The following CDK19 variants were observed in gnomAD, a reference collection of about 807,000 sequenced individuals.
The protein encoded by CDK19 is cyclin-dependent kinase 19.
CDK19 carries 20 observed loss-of-function variants against 68.3 expected under a neutral mutation model. The ratio of observed to expected loss-of-function variants is 0.29; its 90% CI spans 0.21 to 0.43. The LOEUF (loss-of-function observed/expected upper bound fraction) is 0.43, where lower values mean the gene tolerates loss of function less well. CDK19 is among the 20% of genes least tolerant of loss of function. The pLI is 1.00. For synonymous variants in CDK19, 221 were observed against 222.8 expected, an observed-to-expected ratio of 0.99 and a Z score of 0.07; for missense variants, 339 against 623.5, an observed-to-expected ratio of 0.54 and a Z score of 4.86.
At chr6:110,623,488 A>G in intron 8 of CDK19, 126 bp from the exon 9 acceptor site, 1 of 1,322,318 alleles carries the variant, frequency 7.6e-7, no homozygotes, top group Non-Finnish European at 1.0e-6. Flanking sequence ...TCTGAATAAG[A>G]AGAAACACAT....
chr6:110,779,236 C>T (rs1359437141), intron 1 of CDK19, among the ~76,000 whole-genome samples: 5 of 152,138 alleles, frequency 3.3e-5, no homozygotes, highest in African/African-American at 1.2e-4. Flanking sequence ...TCTAATACCA[C>T]CCTGCCTTTG....
At chr6:110,720,704 C>T (rs951396708) in intron 2 of CDK19, among the ~76,000 whole-genome samples, 1 of 151,274 alleles carries the variant, frequency 6.6e-6, no homozygotes, top group Non-Finnish European at 1.5e-5. Flanking sequence ...CTGTCTCTAA[C>T]AAAAGTACAA....
At chr6:110,741,401 G>A (rs1196253930) in intron 2 of CDK19, among the ~76,000 whole-genome samples, 2 of 151,978 alleles carry the variant, frequency 1.3e-5, no homozygotes, top group East Asian at 3.9e-4. Flanking sequence ...GGTCAAGGCT[G>A]CAGCGAGCAT....
intron 2 of CDK19, among the ~76,000 whole-genome samples, chr6:110,672,913 T>C (rs1038188292): frequency 3.3e-5 from 5 of 152,138 alleles, no homozygotes; most frequent in African/African-American, 7.2e-5. Context: ...TGTGGTAAAA[T>C]ATATACATAA....
intron 2 of CDK19, among the ~76,000 whole-genome samples, chr6:110,675,127 C>T (rs946808871): frequency 1.3e-5 from 2 of 152,126 alleles, no homozygotes; most frequent in Non-Finnish European, 2.9e-5. Flanking sequence ...GATGGCTACA[C>T]TAAACAACAG....
At chr6:110,692,542 T>C (rs574986341) in intron 2 of CDK19, among the ~76,000 whole-genome samples, 1 of 152,110 alleles carries the variant, frequency 6.6e-6, no homozygotes, top group South Asian at 2.1e-4. Flanking sequence ...GAAGAGACAA[T>C]AAAAAGTTTG....
At chr6:110,810,309 T>C (rs746881937) in intron 1 of CDK19, among the ~76,000 whole-genome samples, 3 of 152,162 alleles carry the variant, frequency 2.0e-5, no homozygotes, top group Admixed American at 6.6e-5. Context: ...GTATAAGCCA[T>C]AGCAAACGTA....
intron 1 of CDK19, among the ~76,000 whole-genome samples, chr6:110,790,972 C>T (rs1161878286): frequency 6.6e-6 from 1 of 152,074 alleles, no homozygotes; most frequent in Non-Finnish European, 1.5e-5. Flanking sequence ...GAGTTCAAGA[C>T]CAACCTGGCT....
intron 2 of CDK19, among the ~76,000 whole-genome samples, chr6:110,701,386 CA>C (rs58069740): frequency 0.29 from 35,889 of 124,418 alleles, 5,036 homozygotes; most frequent in East Asian, 0.7. Context: ...ACTAAAAATA[CA>C]AAAAAAAAAA....
intron 1 of CDK19, among the ~76,000 whole-genome samples, chr6:110,751,532 T>A (rs1382670158): frequency 6.6e-6 from 1 of 152,110 alleles, no homozygotes; most frequent in African/African-American, 2.4e-5. Context: ...TATTTCATTA[T>A]ATACTACAGT....
At chr6:110,641,322 G>A (rs1780146869) in intron 4 of CDK19, among the ~76,000 whole-genome samples, 1 of 152,140 alleles carries the variant, frequency 6.6e-6, no homozygotes, top group South Asian at 2.1e-4. Flanking sequence ...GAGGCTGGGT[G>A]CAGTGGCTGA....
At chr6:110,759,775 C>G (rs1363959734) in intron 1 of CDK19, among the ~76,000 whole-genome samples, 2 of 151,512 alleles carry the variant, frequency 1.3e-5, no homozygotes, top group Admixed American at 1.3e-4. Flanking sequence ...ATAAATTGAC[C>G]TGAATTCACC....
Position 110,621,224 on chromosome 6 carries a change from G to A in CDK19, c.1257C>T (p.Thr419=), listed in dbSNP as rs148540500. The change falls in exon 12 of 13, where the codon ACC becomes ACT. Residue 419 remains threonine (T), a synonymous_variant. Coordinates refer to ENST00000368911, the MANE Select transcript of CDK19 (RefSeq NM_015076.5). The surrounding 1 kb of genome is among the most constrained non-coding windows in gnomAD (Gnocchi z 5.4). ...CCTGGCTGTGCTGCAACCCTGCTCC[G>A]GTGCCCCCGACCCCGGCCCCAGCCC... is the stretch of plus-strand genomic sequence containing the variant. ...AGGAGAGVGG[T]GAGLQHSQDS... 6.0e-5 allele frequency: 97 copies of A among 1,613,270 alleles called. No homozygotes were observed. The African/African-American group carries it at 8.0e-4, about 13-fold the overall frequency.
intron 1 of CDK19, among the ~76,000 whole-genome samples, chr6:110,753,132 G>A (rs12215135): frequency 0.047 from 7,202 of 152,008 alleles, 179 homozygotes; most frequent in Middle Eastern, 0.078. Context: ...GTTGTGCCAC[G>A]TTGCCCAAGC....
chr6:110,653,373 A>G (rs1268701155), intron 4 of CDK19, among the ~76,000 whole-genome samples: 1 of 152,224 alleles, frequency 6.6e-6, no homozygotes, highest in African/African-American at 2.4e-5. Flanking sequence ...TAAAAAAAAG[A>G]AAACTACAGT....
intron 2 of CDK19, among the ~76,000 whole-genome samples, chr6:110,674,387 T>C (rs1194944628): frequency 6.6e-6 from 1 of 152,198 alleles, no homozygotes; most frequent in African/African-American, 2.4e-5. Flanking sequence ...CTAGAATGAT[T>C]GAGCTTACTG....
chr6:110,815,301 CT>C lies in CDK19; in HGVS notation c.-166del. On this transcript the variant is annotated 5_prime_UTR_variant, in exon 1 of 13. It removes the in-frame stop codon of an upstream open reading frame in the 5' UTR. Transcript: ENST00000368911. The stretch of plus-strand genomic sequence containing the variant: ...TCCGCGGTCCGCCTTCAGCAAGGGA[CT>C]CCTCGGCGGCCACAGCAGCCACCTC... The C allele has an allele frequency of 1.4e-6, 1 of 719,848 alleles. No homozygotes were observed. The highest frequency in any genetic ancestry group is 2.0e-6 in the Non-Finnish European group (1 of 504,898). The allele number at this position is 719,848 out of a possible 1,614,324, so 44.6% of individuals were successfully genotyped here. A position where few individuals can be genotyped will look rare whatever the true frequency, so the allele number is the denominator to read the frequency against.
At chr6:110,721,253 A>AAATT (rs749976738) in intron 2 of CDK19, among the ~76,000 whole-genome samples, 1 of 152,256 alleles carries the variant, frequency 6.6e-6, no homozygotes, top group Non-Finnish European at 1.5e-5. Flanking sequence ...ATAAAAATAG[A>AAATT]AATTAATTAA....
rs144145300 is a variant in CDK19, at chr6:110,772,267, T to G, written c.129-26066A>C. ...CGGGAGGCAAAAGGCACTTCTTACA[T>G]GGCGGCAGCAAGAGAAAATGAGAAG... On this transcript the variant is annotated intron_variant, in intron 1 of 12. Transcript: ENST00000368911. Among the ~76,000 whole-genome samples, 244 of 152,224 alleles carry G rather than the reference T, an allele frequency of 1.6e-3. 1 individual carries two copies. Among genetic ancestry groups the G allele is most frequent in the African/African-American group, 5.7e-3 (237 of 41,532 alleles).
Sources: gnomAD v4.1 joint callset for allele counts (sites outside exome capture counted in the v4.1 genomes callset) on GRCh38, gnomAD v4.1.1 for gene constraint, Gnocchi (gnomAD v3.1) non-coding constraint, MANE v1.5 for transcripts, NCBI Gene and HGNC (gene_info 2026-07-23, HGNC 2026-07-21) for gene names.